Variants in LPP observed in about 807,000 individuals in gnomAD.
LPP encodes LIM domain containing preferred translocation partner in lipoma, also known as lipoma-preferred partner.
Under a neutral mutation model 60.4 loss-of-function variants are expected in LPP, and 38 were observed. The ratio of observed to expected loss-of-function variants is 0.63; its 90% confidence interval spans 0.49 to 0.83. LPP has a LOEUF of 0.83. Among genes scored for constraint, LPP ranks in the 40% least tolerant of loss-of-function variants. LPP has a pLI of 0.00. For synonymous variants in LPP, 328 were observed against 290.8 expected (o/e 1.13, Z -1.30); for missense variants, 902 against 783.6 (o/e 1.15, Z -1.80).
chr3:188,353,154 G>A (rs2103024), intron 3 of LPP, among the ~76,000 whole-genome samples: 2,241 of 152,244 alleles, frequency 0.015, 56 homozygotes, highest in African/African-American at 0.051. Flanking sequence ...TATGTGAAAT[G>A]TGGTCTCCGC....
At chr3:188,368,362 A>T (rs1771837560) in intron 3 of LPP, among the ~76,000 whole-genome samples, 1 of 140,860 alleles carries the variant, frequency 7.1e-6, no homozygotes, top group Non-Finnish European at 1.5e-5. Flanking sequence ...ACTTTTCAGA[A>T]ACAGTTGGCT....
intron 6 of LPP, among the ~76,000 whole-genome samples, chr3:188,577,594 G>A (rs1834921776): frequency 6.6e-6 from 1 of 150,958 alleles, no homozygotes; most frequent in African/African-American, 2.4e-5. Context: ...ATTTATATAA[G>A]TATATGTATG....
At chr3:188,825,151 A>G (rs112424037) in intron 9 of LPP, among the ~76,000 whole-genome samples, 30 of 152,248 alleles carry the variant, frequency 2.0e-4, no homozygotes, top group African/African-American at 7.2e-4. Flanking sequence ...AATATCATCA[A>G]TGATTGTTTT....
intron 8 of LPP, among the ~76,000 whole-genome samples, chr3:188,723,706 T>G (rs1460985330): frequency 6.9e-6 from 1 of 145,562 alleles, no homozygotes; most frequent in Non-Finnish European, 1.5e-5. Flanking sequence ...GAATGTAGCT[T>G]AAAAAAAAAA....
At chr3:188,671,653 A>AT (rs918388247) in intron 7 of LPP, among the ~76,000 whole-genome samples, 4 of 151,244 alleles carry the variant, frequency 2.6e-5, no homozygotes, top group Admixed American at 6.6e-5. Context: ...TGCCTATGTT[A>AT]TTTTTTTTTA....
At chr3:188,365,898 T>G (rs1411365975) in intron 3 of LPP, among the ~76,000 whole-genome samples, 1 of 152,200 alleles carries the variant, frequency 6.6e-6, no homozygotes, top group Non-Finnish European at 1.5e-5. Flanking sequence ...TTTCTGTGTA[T>G]GTGGTGAGAA....
At chr3:188,333,524 T>C (rs1354523000) in intron 2 of LPP, among the ~76,000 whole-genome samples, 3 of 152,210 alleles carry the variant, frequency 2.0e-5, no homozygotes, top group Admixed American at 2.0e-4. Context: ...CAATTATAAA[T>C]ATTAAACTAA....
chr3:188,380,409 G>A lies in LPP; in HGVS notation c.-9-25703G>A, dbSNP rs896395397. On this transcript the variant is annotated intron_variant, in intron 3 of 11. Transcript: ENST00000617246. ...CTGGGTCACATGTTTGCCTCTGCAG[G>A]ACTCTGACCTGTCATTTTAGATATT... Among the ~76,000 whole-genome samples, 3 of 152,236 alleles carry A rather than the reference G, an allele frequency of 2.0e-5. No homozygotes were observed. In the East Asian group the frequency reaches 5.8e-4, roughly 29 times the overall value.
chr3:188,232,897 G>A (rs1187525530), intron 2 of LPP, among the ~76,000 whole-genome samples: 2 of 152,042 alleles, frequency 1.3e-5, no homozygotes, highest in Admixed American at 6.5e-5. Context: ...TCAAAGCAGC[G>A]TAATGTCTAT....
chr3:188,296,935 G>T (rs770190924), intron 2 of LPP, among the ~76,000 whole-genome samples: 4 of 152,198 alleles, frequency 2.6e-5, no homozygotes, highest in Non-Finnish European at 5.9e-5. Context: ...CAAGGGAGTG[G>T]GAGGGAGGCA....
chr3:188,756,317 C>T (rs1187624052), intron 8 of LPP, among the ~76,000 whole-genome samples: 1 of 152,184 alleles, frequency 6.6e-6, no homozygotes, highest in East Asian at 1.9e-4. Context: ...CGGCTGCCGG[C>T]CCTCTGTCAT....
At chr3:188,218,407 G>A (rs1714475206) in intron 1 of LPP, among the ~76,000 whole-genome samples, 2 of 152,120 alleles carry the variant, frequency 1.3e-5, no homozygotes. Context: ...CTTAGCTTGT[G>A]ACCTCATCCT....
intron 2 of LPP, among the ~76,000 whole-genome samples, chr3:188,309,963 T>C (rs141731662): frequency 1.3e-5 from 2 of 152,010 alleles, no homozygotes; most frequent in African/African-American, 2.4e-5. Flanking sequence ...ATTAATACCA[T>C]TGTCCTTATT....
chr3:188,363,497 C>T (rs566306521), intron 3 of LPP, among the ~76,000 whole-genome samples: 37 of 152,170 alleles, frequency 2.4e-4, no homozygotes, highest in Non-Finnish European at 4.7e-4. Context: ...ATATTTCCAT[C>T]AAGGCAGCTC....
intron 3 of LPP, among the ~76,000 whole-genome samples, chr3:188,353,961 C>CTT (rs59069190): frequency 6.9e-6 from 1 of 145,522 alleles, no homozygotes; most frequent in African/African-American, 2.5e-5. Flanking sequence ...AACTAGACCA[C>CTT]TTTTTTTTTT....
At chr3:188,436,917 TG>T (rs943907622) in intron 4 of LPP, among the ~76,000 whole-genome samples, 4 of 151,582 alleles carry the variant, frequency 2.6e-5, no homozygotes, top group Non-Finnish European at 5.9e-5. Flanking sequence ...GCGACTTCGA[TG>T]GGGGGTAGGA....
At chr3:188,340,939 G>A (rs1195539278) in intron 2 of LPP, among the ~76,000 whole-genome samples, 1 of 152,074 alleles carries the variant, frequency 6.6e-6, no homozygotes, top group Non-Finnish European at 1.5e-5. Context: ...ATGGAATAAT[G>A]GAGAGAAATC....
chr3:188,825,269 CTGTGTG>C (rs3057956), intron 9 of LPP, among the ~76,000 whole-genome samples: 13,115 of 101,060 alleles, frequency 0.13, 914 homozygotes, highest in Non-Finnish European at 0.17. Context: ...CTCTCTCTCT[CTGTGTG>C]TGTGTGTGTG....
At chr3:188,774,377 G>A (rs541001825) in intron 9 of LPP, among the ~76,000 whole-genome samples, 33 of 151,976 alleles carry the variant, frequency 2.2e-4, no homozygotes, top group South Asian at 4.2e-4. Flanking sequence ...GCTTTATATT[G>A]GTAGGTAATC....
Sources: gnomAD v4.1 joint callset for allele counts (sites outside exome capture counted in the v4.1 genomes callset) on GRCh38, gnomAD v4.1.1 for gene constraint, MANE v1.5 for transcripts, NCBI Gene and HGNC (gene_info 2026-07-23, HGNC 2026-07-21) for gene names.